Variants in PRKCE observed in about 807,000 individuals in gnomAD.
PRKCE encodes the protein protein kinase C epsilon.
In PRKCE, 16 loss-of-function variants were observed where a neutral mutation model predicts 85.4. The ratio of observed to expected loss-of-function variants is 0.19; its 90% CI spans 0.13 to 0.28. The LOEUF is 0.28. Ranked by LOEUF, PRKCE falls within the 10% of genes least tolerant of loss-of-function variation. The pLI, the probability that PRKCE is intolerant of heterozygous loss-of-function variation, is 1.00. For synonymous variants in PRKCE, 388 were observed against 371.5 expected (o/e 1.04, Z -0.51); for missense variants, 573 against 975.2 (o/e 0.59, Z 5.49).
intron 1 of PRKCE, among the ~76,000 whole-genome samples, chr2:45,751,645 T>G (rs1257893162): frequency 6.6e-6 from 1 of 152,078 alleles, no homozygotes; most frequent in Non-Finnish European, 1.5e-5. Context: ...AGACAGAATA[T>G]GATTAATACA....
At chr2:46,132,531 G>A (rs1354566604) in intron 11 of PRKCE, among the ~76,000 whole-genome samples, 1 of 152,104 alleles carries the variant, frequency 6.6e-6, no homozygotes, top group African/African-American at 2.4e-5. Context: ...CTTTGATTTT[G>A]TAAACTCTAC....
At chr2:45,768,750 C>T (rs1225689483) in intron 1 of PRKCE, among the ~76,000 whole-genome samples, 1 of 152,244 alleles carries the variant, frequency 6.6e-6, no homozygotes, top group Non-Finnish European at 1.5e-5. Flanking sequence ...GATTTTCTCT[C>T]CCTTCTCTGA....
chr2:46,062,705 G>A (rs1270021834), intron 10 of PRKCE, among the ~76,000 whole-genome samples: 4 of 110,800 alleles, frequency 3.6e-5, no homozygotes, highest in South Asian at 2.9e-4. Context: ...AGATGGTCTC[G>A]CTCAGTGGCC....
intron 2 of PRKCE, among the ~76,000 whole-genome samples, chr2:45,850,645 G>C (rs989327513): frequency 6.6e-6 from 1 of 152,116 alleles, no homozygotes; most frequent in African/African-American, 2.4e-5. Flanking sequence ...TTATTACCTA[G>C]CTTTGTTGAA....
At chr2:46,133,075 C>T (rs534314589) in intron 11 of PRKCE, among the ~76,000 whole-genome samples, 36 of 152,318 alleles carry the variant, frequency 2.4e-4, no homozygotes, top group African/African-American at 8.7e-4. Flanking sequence ...GGAAGACATA[C>T]GCCTACTAGT....
chr2:46,170,688 G>A (rs902533845), intron 14 of PRKCE, among the ~76,000 whole-genome samples: 3 of 152,124 alleles, frequency 2.0e-5, no homozygotes, highest in Admixed American at 6.5e-5. Context: ...CGGGAATTTG[G>A]GGTCATAAGA....
chr2:46,012,035 G>A (rs1484888560), intron 10 of PRKCE, among the ~76,000 whole-genome samples: 1 of 152,166 alleles, frequency 6.6e-6, no homozygotes, highest in African/African-American at 2.4e-5. Context: ...TTTTTCATGT[G>A]TGTTGTGTAA....
At chr2:45,807,999 A>T (rs970464092) in intron 1 of PRKCE, among the ~76,000 whole-genome samples, 3 of 151,826 alleles carry the variant, frequency 2.0e-5, no homozygotes, top group Non-Finnish European at 4.4e-5. Context: ...CTGGACTATC[A>T]CTGGAAGCCC....
At chr2:45,815,600 C>T (rs1688980404) in intron 1 of PRKCE, among the ~76,000 whole-genome samples, 1 of 152,232 alleles carries the variant, frequency 6.6e-6, no homozygotes, top group African/African-American at 2.4e-5. Context: ...TGGAAGATAG[C>T]CTAAGTACAA....
chr2:46,160,277 C>G (rs944589591), intron 14 of PRKCE, among the ~76,000 whole-genome samples: 2 of 152,180 alleles, frequency 1.3e-5, no homozygotes, highest in African/African-American at 2.4e-5. Context: ...GTGAGATACC[C>G]TCTCCCTTCT....
chr2:46,010,632 G>C, intron 10 of PRKCE, 115 bp downstream of exon 10: 1 of 1,599,262 alleles, frequency 6.3e-7, no homozygotes, highest in Non-Finnish European at 8.5e-7. Flanking sequence ...AGTGGGATGG[G>C]TTTTACCCTT....
At chr2:45,918,697 G>C (rs1377404340) in intron 2 of PRKCE, among the ~76,000 whole-genome samples, 1 of 152,198 alleles carries the variant, frequency 6.6e-6, no homozygotes, top group East Asian at 1.9e-4. Flanking sequence ...GGCACATGTA[G>C]GAATGACTTT....
At chr2:45,773,119 C>A (rs774488838) in intron 1 of PRKCE, among the ~76,000 whole-genome samples, 3 of 152,188 alleles carry the variant, frequency 2.0e-5, no homozygotes, top group Non-Finnish European at 4.4e-5. Flanking sequence ...GGCTTTTGAG[C>A]AGGACCTCTC....
chr2:45,704,822 G>C (rs994938531), intron 1 of PRKCE, among the ~76,000 whole-genome samples: 1 of 152,176 alleles, frequency 6.6e-6, no homozygotes, highest in Non-Finnish European at 1.5e-5. Context: ...CATATTTTAA[G>C]TTTAACCCCT....
Position 45,910,727 on chromosome 2 carries a change from G to A in PRKCE, c.413-65702G>A, listed in dbSNP as rs949626078. The stretch of plus-strand genomic sequence containing the variant: ...TATTTCCTACCTATTGGAGGTAGGC[G>A]GGTCCATGGTGAACAGGGAGGAAAG... On this transcript the variant is annotated intron_variant, in intron 2 of 14. Coordinates refer to ENST00000306156, the MANE Select transcript of PRKCE (RefSeq NM_005400.3). 3.9e-5 allele frequency among the ~76,000 whole-genome samples: 6 copies of A among 151,972 alleles called. 1 individual carries two copies. The South Asian group carries it at 6.2e-4, about 16-fold the overall frequency.
intron 11 of PRKCE, among the ~76,000 whole-genome samples, chr2:46,127,597 C>T (rs1673987033): frequency 6.6e-6 from 1 of 152,196 alleles, no homozygotes; most frequent in Admixed American, 6.5e-5. Context: ...CGTATGATGG[C>T]CAGCAGGGCC....
chr2:46,064,484 G>A (rs1667441108), intron 10 of PRKCE, among the ~76,000 whole-genome samples: 1 of 152,122 alleles, frequency 6.6e-6, no homozygotes, highest in Non-Finnish European at 1.5e-5. Flanking sequence ...ATATTAGATG[G>A]TAATAGAAAG....
intron 2 of PRKCE, among the ~76,000 whole-genome samples, chr2:45,902,511 G>A (rs1440377469): frequency 1.3e-5 from 2 of 152,164 alleles, no homozygotes; most frequent in Non-Finnish European, 2.9e-5. Context: ...AGGATATTTG[G>A]ATTAACATCC....
rs769472144 is a variant in PRKCE, at chr2:46,001,372, C to G, written c.824-32C>G. The G allele has an allele frequency of 6.3e-7, 1 of 1,584,972 alleles. No individual in the cohort carries two copies. Among genetic ancestry groups the G allele is most frequent in the South Asian group, 1.1e-5 (1 of 89,852 alleles). On this transcript the variant is annotated intron_variant, in intron 6 of 14. Transcript: ENST00000306156. This position sits in a 1 kb window ranked among gnomAD's most constrained non-coding sequence, Gnocchi z 4.4. ...GAAGCAACATCTTAGGCCATGAACA[C>G]TTATCTGTCTTTTCTCCATGTCTCC...
Sources: allele counts gnomAD v4.1 joint callset (sites outside exome capture counted in the v4.1 genomes callset), GRCh38; gene constraint gnomAD v4.1.1; non-coding constraint Gnocchi (gnomAD v3.1); transcripts MANE v1.5; gene names NCBI Gene and HGNC (gene_info 2026-07-23, HGNC 2026-07-21).